The following ASGR1 variants were observed in gnomAD, a reference collection of about 807,000 sequenced individuals.
ASGR1 encodes the protein asialoglycoprotein receptor 1.
ASGR1 carries 35 observed loss-of-function variants against 33.1 expected under a neutral mutation model. The observed-to-expected ratio is 1.06, with a 90% CI of 0.81 to 1.40. The LOEUF (loss-of-function observed/expected upper bound fraction) is 1.40. ASGR1 is among the 40% of genes most tolerant of loss of function. The pLI is 0.00. For missense variants in ASGR1, 396 were observed against 373.7 expected (o/e 1.06, Z -0.49); for synonymous variants, 142 against 152.5 (o/e 0.93, Z 0.51).
rs748261405 is a variant in ASGR1, at chr17:7,176,820, C to G, written c.355+10G>C. On this transcript the variant is annotated intron_variant, in intron 5 of 8. Transcript: ENST00000269299. ...CACACACACACACACACACACACTCCCTCTCTGACCTTCACTCAGGTCCTT... is the reference window on the plus strand; with the variant it reads ...CACACACACACACACACACACACTCGCTCTCTGACCTTCACTCAGGTCCTT... 3.1e-6 allele frequency: 5 copies of G among 1,590,432 alleles called. No individual in the cohort carries two copies. In the African/African-American group the frequency reaches 7.8e-5, roughly 25 times the overall value.
chr17:7,175,887 ACACT>A (rs2069195372), intron 5 of ASGR1, among the ~76,000 whole-genome samples: 1 of 143,050 alleles, frequency 7.0e-6, no homozygotes, highest in South Asian at 2.2e-4. Flanking sequence ...AGTCTCACAG[ACACT>A]CCATCTCATT....
chr17:7,176,912 G>C lies in ASGR1; in HGVS notation c.284-11C>G. 1 of 1,612,002 alleles carries C rather than the reference G, an allele frequency of 6.2e-7. No homozygotes were observed. The highest frequency in any genetic ancestry group is 1.1e-5 in the South Asian group (1 of 91,064). On this transcript the variant is annotated splice_polypyrimidine_tract_variant and intron_variant, in intron 4 of 8. Coordinates refer to ENST00000269299, the MANE Select transcript of ASGR1 (RefSeq NM_001671.5). The stretch of plus-strand genomic sequence containing the variant: ...TTCCCACATTGCCTCCTGCGGGAGA[G>C]GCTCGCTCAGCGTTCCCGACAGCCC...
In ASGR1 at chr17:7,173,501, C is replaced by G; in HGVS notation, c.*158G>C. The G allele has an allele frequency of 1.9e-6, 2 of 1,034,762 alleles. No homozygotes were observed. Among genetic ancestry groups the G allele is most frequent in the Non-Finnish European group, 2.7e-6 (2 of 731,060 alleles). The allele number at this position is 1,034,762 out of a possible 1,614,324, so 64.1% of individuals were successfully genotyped here. A position where few individuals can be genotyped will look rare whatever the true frequency, so the allele number is the denominator to read the frequency against. On this transcript the variant is annotated 3_prime_UTR_variant, in exon 9 of 9. Coordinates refer to ENST00000269299, the MANE Select transcript of ASGR1 (RefSeq NM_001671.5). The surrounding 1 kb of genome is among the most constrained non-coding windows in gnomAD (Gnocchi z 4.7). The stretch of plus-strand genomic sequence containing the variant: ...GATAACCTGCAAACTGCAGAAAGCG[C>G]CACGGGTTTCAAGCTCCTCACCTTC...
At chr17:7,177,496 C>T in intron 2 of ASGR1, 170 bp from the exon 3 acceptor site, 1 of 588,948 alleles carries the variant, frequency 1.7e-6, no homozygotes, top group Non-Finnish European at 3.0e-6. Context: ...AACTGGAAAT[C>T]GGGGAGAAAA....
At chr17:7,178,713 C>CTTTTCT (rs2069243843) in intron 1 of ASGR1, 125 bp from the exon 2 acceptor site, 1 of 484,078 alleles carries the variant, frequency 2.1e-6, no homozygotes, top group African/African-American at 2.1e-5. Flanking sequence ...TTCTTTCTTT[C>CTTTTCT]TTTTCTTTTT....
chr17:7,177,833 G>C (rs1385243988), intron 2 of ASGR1: 1 of 163,390 alleles, frequency 6.1e-6, no homozygotes, highest in Non-Finnish European at 1.3e-5. Flanking sequence ...TTAGCCCTGT[G>C]CCCTGAGAGC....
chr17:7,176,418 C>T (rs1158685371), intron 5 of ASGR1, among the ~76,000 whole-genome samples: 1 of 148,812 alleles, frequency 6.7e-6, no homozygotes, highest in African/African-American at 2.5e-5. Flanking sequence ...CACTCACAGA[C>T]ACACTCCGTC....
At chr17:7,174,668 A>G (rs372162398) in intron 5 of ASGR1, among the ~76,000 whole-genome samples, 2,841 of 148,280 alleles carry the variant, frequency 0.019, 80 homozygotes, top group African/African-American at 0.065. Context: ...ACACACTCAC[A>G]CAGACACACA....
rs1165563878 is a variant in ASGR1 at position 7,174,513 on chromosome 17, G to A, written c.356-53C>T. ...GAGGAGATGCGGAAACCACGGGGAGGGAAACGGGAAACGAGGTCAGCCCTA... is the reference window on the plus strand; with the variant it reads ...GAGGAGATGCGGAAACCACGGGGAGAGAAACGGGAAACGAGGTCAGCCCTA... On this transcript the variant is annotated intron_variant, in intron 5 of 8. Transcript: ENST00000269299. 5.2e-6 allele frequency: 8 copies of A among 1,553,360 alleles called. No individual in the cohort carries two copies. In the East Asian group the frequency reaches 1.4e-4, roughly 27 times the overall value.
intron 3 of ASGR1, 48 bp from the exon 4 acceptor site, chr17:7,177,124 G>T (rs773729622): frequency 6.2e-7 from 1 of 1,612,444 alleles, no homozygotes; most frequent in South Asian, 1.1e-5. Context: ...CGCTGTGTCC[G>T]CCACCACTGC....
chr17:7,174,811 AAC>A (rs532718497), intron 5 of ASGR1, among the ~76,000 whole-genome samples: 12 of 150,186 alleles, frequency 8.0e-5, no homozygotes, highest in Non-Finnish European at 1.3e-4. Flanking sequence ...AAACGCAGAC[AAC>A]ACACAGAGAC....
At chr17:7,176,775 C>T in intron 5 of ASGR1, 55 bp downstream of exon 5, 3 of 1,587,664 alleles carry the variant, frequency 1.9e-6, no homozygotes, top group South Asian at 2.2e-5. Flanking sequence ...CACACATCCA[C>T]ACATTCTCAC....
chr17:7,176,623 C>T (rs374020121), intron 5 of ASGR1: 1 of 658,018 alleles, frequency 1.5e-6, no homozygotes, highest in African/African-American at 1.8e-5. Context: ...CAGACATACA[C>T]ACTCCCTCTC....
chr17:7,173,927 GC>G lies in ASGR1; in HGVS notation c.701+33del, dbSNP rs771753310. 1.9e-6 allele frequency: 3 copies of G among 1,613,148 alleles called. No individual in the cohort carries two copies. The highest frequency in any genetic ancestry group is 2.5e-6 in the Non-Finnish European group (3 of 1,179,658). On this transcript the variant is annotated intron_variant, in intron 8 of 8. Transcript: ENST00000269299. This position sits in a 1 kb window ranked among gnomAD's most constrained non-coding sequence, Gnocchi z 4.7. ...CCCAGGGCCCCAGGGCGCGAAGGCG[GC>G]CGGACCCAGGCCGAGGGAGGGCGCG...
intron 5 of ASGR1, among the ~76,000 whole-genome samples, chr17:7,175,761 C>T (rs118062279): frequency 2.1e-5 from 3 of 143,088 alleles, no homozygotes; most frequent in African/African-American, 2.9e-5. Context: ...ATCCACACTC[C>T]TTCTCATTTT....
At chr17:7,176,338 ACTCT>A in intron 5 of ASGR1, among the ~76,000 whole-genome samples, 1 of 140,296 alleles carries the variant, frequency 7.1e-6, no homozygotes, top group East Asian at 2.2e-4. Flanking sequence ...TCATTCTCAC[ACTCT>A]CACACTCACA....
rs1455240511 is a variant in ASGR1 at position 7,178,904 on chromosome 17, T to C, written c.-26+286A>G. On this transcript the variant is annotated intron_variant, in intron 1 of 8. Coordinates refer to ENST00000269299, the MANE Select transcript of ASGR1 (RefSeq NM_001671.5). ...GGTGCACGCCACCACGCCTGGCTAC[T>C]TTTTTGTATTTTAGTAGAGACGGGG... 3 of 194,092 alleles carry C rather than the reference T, an allele frequency of 1.5e-5. No individual in the cohort carries two copies. In the East Asian group the frequency reaches 4.0e-4, roughly 26 times the overall value. The allele number at this position is 194,092 out of a possible 1,614,324, so 12.0% of individuals were successfully genotyped here.
intron 5 of ASGR1, 152 bp from the exon 6 acceptor site, chr17:7,174,612 T>TAC (rs146843548): frequency 0.03 from 18,517 of 621,328 alleles, 348 homozygotes; most frequent in African/African-American, 0.11. Context: ...GAGACCCCCA[T>TAC]ACACACACAC....
chr17:7,176,559 ACAC>A, intron 5 of ASGR1: 1 of 547,278 alleles, frequency 1.8e-6, no homozygotes, highest in Non-Finnish European at 3.2e-6. Context: ...TCACACACAC[ACAC>A]CTCATTCTCA....
Sources: gnomAD v4.1 joint callset for allele counts (sites outside exome capture counted in the v4.1 genomes callset) on GRCh38, gnomAD v4.1.1 for gene constraint, Gnocchi (gnomAD v3.1) non-coding constraint, MANE v1.5 for transcripts, NCBI Gene and HGNC (gene_info 2026-07-23, HGNC 2026-07-21) for gene names.